The following COL4A5 variants were observed in gnomAD, a reference collection of about 807,000 sequenced individuals.
COL4A5 encodes collagen alpha-5(IV) chain.
In COL4A5, 26 loss-of-function variants were observed where a neutral mutation model predicts 130.2. The observed-to-expected ratio is 0.20, with a 90% CI of 0.15 to 0.28. The LOEUF (loss-of-function observed/expected upper bound fraction) is 0.28, where lower values mean the gene tolerates loss of function less well. Ranked by LOEUF, COL4A5 falls within the 10% of genes least tolerant of loss-of-function variation. The pLI, the probability that COL4A5 is intolerant of heterozygous loss-of-function variation, is 1.00. For missense variants in COL4A5, 1,131 were observed against 1,344.3 expected, an observed-to-expected ratio of 0.84 and a Z score of 2.48; for synonymous variants, 496 against 439.6, an observed-to-expected ratio of 1.13 and a Z score of -1.60.
At chrX:108,674,775 T>TTA in intron 43 of COL4A5, 22 bp downstream of exon 43, 1 of 1,162,933 alleles carries the variant, frequency 8.6e-7, no homozygotes, top group Non-Finnish European at 1.2e-6. Context: ...CACTGGTCAA[T>TTA]TCTTTTTTTT....
intron 1 of COL4A5, among the ~76,000 whole-genome samples, chrX:108,526,537 G>A (rs1468892990): frequency 1.5e-5 from 1 of 68,885 alleles, no homozygotes; most frequent in African/African-American, 5.6e-5. Context: ...TCTTTCTCTC[G>A]CTCTCCCTTC....
intron 36 of COL4A5, among the ~76,000 whole-genome samples, chrX:108,640,161 G>A (rs1227802452): frequency 8.9e-6 from 1 of 112,213 alleles, no homozygotes; most frequent in Non-Finnish European, 1.9e-5. Context: ...ATAGAGGAAT[G>A]TGTAATAAAA....
chrX:108,673,309 G>A (rs1024576627), intron 42 of COL4A5, among the ~76,000 whole-genome samples: 3 of 111,745 alleles, frequency 2.7e-5, no homozygotes, highest in Admixed American at 9.5e-5. Context: ...AAGTAGCAGA[G>A]TCAAAAATAG....
intron 1 of COL4A5, among the ~76,000 whole-genome samples, chrX:108,455,031 T>G (rs2147478473): frequency 8.9e-6 from 1 of 112,258 alleles, no homozygotes; most frequent in Non-Finnish European, 1.9e-5. Context: ...ATCACAACAT[T>G]CAAGATAATG....
chrX:108,529,410 G>A (rs1398549229), intron 1 of COL4A5, among the ~76,000 whole-genome samples: 1 of 110,950 alleles, frequency 9.0e-6, no homozygotes, highest in Non-Finnish European at 1.9e-5. Context: ...ATCAAAGAAG[G>A]AAAAGAAAGG....
chrX:108,600,234 T>C (rs1331446876), intron 25 of COL4A5, among the ~76,000 whole-genome samples: 1 of 112,054 alleles, frequency 8.9e-6, no homozygotes, highest in Non-Finnish European at 1.9e-5. Context: ...TGTGCATTAG[T>C]TCTTAGTTAC....
intron 1 of COL4A5, among the ~76,000 whole-genome samples, chrX:108,488,381 C>T (rs1430930472): frequency 1.8e-5 from 2 of 112,856 alleles, no homozygotes; most frequent in African/African-American, 6.4e-5. Context: ...TTTGCTATTG[C>T]ATTTCTGCAG....
intron 49 of COL4A5, among the ~76,000 whole-genome samples, chrX:108,692,404 T>A (rs1164904526): frequency 9.0e-6 from 1 of 111,085 alleles, no homozygotes; most frequent in Non-Finnish European, 1.9e-5. Context: ...GAAATATTGA[T>A]AAGATATCGT....
At chrX:108,503,596 A>G (rs1327829440) in intron 1 of COL4A5, among the ~76,000 whole-genome samples, 1 of 112,139 alleles carries the variant, frequency 8.9e-6, no homozygotes, top group African/African-American at 3.2e-5. Context: ...ACAAATCAGT[A>G]GCACCACTAT....
intron 1 of COL4A5, among the ~76,000 whole-genome samples, chrX:108,518,304 T>C (rs1045040906): frequency 9.0e-6 from 1 of 111,631 alleles, no homozygotes; most frequent in African/African-American, 3.2e-5. Context: ...AAATTTACCC[T>C]AAGTGAGCTG....
chrX:108,494,116 T>C (rs1226619233), intron 1 of COL4A5, among the ~76,000 whole-genome samples: 1 of 111,798 alleles, frequency 8.9e-6, no homozygotes, highest in Non-Finnish European at 1.9e-5. Flanking sequence ...AGTCTATTTT[T>C]TGACCTAAAC....
At chrX:108,460,632 G>A (rs370636589) in intron 1 of COL4A5, among the ~76,000 whole-genome samples, 1 of 97,573 alleles carries the variant, frequency 1.0e-5, no homozygotes, top group Non-Finnish European at 2.0e-5. Flanking sequence ...TGGGATTACA[G>A]ATGCCTGCCA....
At chrX:108,526,027 A>G (rs749575153) in intron 1 of COL4A5, among the ~76,000 whole-genome samples, 1 of 111,713 alleles carries the variant, frequency 9.0e-6, no homozygotes, top group Non-Finnish European at 1.9e-5. Flanking sequence ...AGAGTCTAAG[A>G]ACTCTCAGCT....
At chrX:108,469,732 A>T (rs2064745107) in intron 1 of COL4A5, among the ~76,000 whole-genome samples, 1 of 112,078 alleles carries the variant, frequency 8.9e-6, no homozygotes, top group Admixed American at 9.5e-5. Flanking sequence ...CAGGTTTGTT[A>T]CATGGGTAAA....
rs1159679279 is a variant in COL4A5 at position 108,440,079 on chromosome X, C to CAATT, written c.-47_-46insAATT. ...ATTATGTCAATTGGTTAGAGCCAGC[C>CAATT]GGGAATTTCGTGCGGGTGCTGAAGG... is the stretch of plus-strand genomic sequence containing the variant. On this transcript the variant is annotated 5_prime_UTR_variant, in exon 1 of 53. Transcript: ENST00000328300. 3.9e-6 allele frequency: 4 copies of CAATT among 1,033,142 alleles called. No homozygotes were observed. Among genetic ancestry groups the CAATT allele is most frequent in the Admixed American group, 2.3e-5 (1 of 44,176 alleles). The allele number at this position is 1,033,142 out of a possible 1,213,427, so 85.1% of individuals were successfully genotyped here. A position where few individuals can be genotyped will look rare whatever the true frequency, so the allele number is the denominator to read the frequency against.
intron 3 of COL4A5, among the ~76,000 whole-genome samples, chrX:108,561,765 T>C (rs1178469478): frequency 8.9e-6 from 1 of 111,912 alleles, no homozygotes; most frequent in East Asian, 2.8e-4. Context: ...TTTAAATGCA[T>C]GAATATTTTT....
At chrX:108,559,187 T>C in intron 3 of COL4A5, 34 bp downstream of exon 3, 1 of 1,069,321 alleles carries the variant, frequency 9.4e-7, no homozygotes, top group Non-Finnish European at 1.3e-6. Context: ...TAATGCCAGA[T>C]GAATTAAGTC....
chrX:108,457,380 A>C (rs1196724619), intron 1 of COL4A5, among the ~76,000 whole-genome samples: 1 of 112,131 alleles, frequency 8.9e-6, no homozygotes, highest in Admixed American at 9.5e-5. Flanking sequence ...TGAATTTTAC[A>C]GTATGTTAAT....
In COL4A5 at chrX:108,652,476, A is replaced by G. The variant is rs756397913; in HGVS notation, c.3247-2855A>G. Among the ~76,000 whole-genome samples the G allele has an allele frequency of 3.6e-5, 4 of 112,457 alleles. No individual in the cohort carries two copies. In the South Asian group the frequency reaches 1.5e-3, roughly 41 times the overall value. On this transcript the variant is annotated intron_variant, in intron 36 of 52. Coordinates refer to ENST00000328300, the MANE Select transcript of COL4A5 (RefSeq NM_033380.3). ...TATGATGTTTACTCTTTCTCCTCAA[A>G]TATTTTCCTTTTGTTGTCTTTGTTT...
Sources: gnomAD v4.1 joint callset for allele counts (sites outside exome capture counted in the v4.1 genomes callset) on GRCh38, gnomAD v4.1.1 for gene constraint, MANE v1.5 for transcripts, NCBI Gene and HGNC (gene_info 2026-07-23, HGNC 2026-07-21) for gene names.